Variants in GPC5 observed in about 807,000 individuals in gnomAD.
GPC5 encodes the protein glypican 5, also known as glypican-5.
In GPC5, 47 loss-of-function variants were observed where a neutral mutation model predicts 53.9. The observed-to-expected ratio is 0.87, with a 90% CI of 0.69 to 1.11. The LOEUF is 1.11. GPC5 is among the 50% of genes most tolerant of loss of function. The pLI is 0.00. For missense variants in GPC5, 748 were observed against 713.1 expected (o/e 1.05, Z -0.56); for synonymous variants, 286 against 263.3 (o/e 1.09, Z -0.84).
chr13:91,574,816 A>G (rs1042111542), intron 2 of GPC5, among the ~76,000 whole-genome samples: 2 of 152,172 alleles, frequency 1.3e-5, no homozygotes, highest in Non-Finnish European at 2.9e-5. Context: ...ACATTAAGTT[A>G]GAACTTGGAC....
intron 7 of GPC5, among the ~76,000 whole-genome samples, chr13:92,264,103 T>G (rs897643984): frequency 2.6e-5 from 4 of 152,122 alleles, no homozygotes; most frequent in African/African-American, 9.7e-5. Context: ...ATTTTAAAAA[T>G]AAAAGAAAAT....
chr13:92,058,020 A>C (rs1207398876), intron 6 of GPC5, among the ~76,000 whole-genome samples: 1 of 152,120 alleles, frequency 6.6e-6, no homozygotes, highest in African/African-American at 2.4e-5. Context: ...TGGCAGACAT[A>C]ATTGAATGGG....
At chr13:91,798,223 C>T (rs1284381683) in intron 5 of GPC5, among the ~76,000 whole-genome samples, 4 of 152,130 alleles carry the variant, frequency 2.6e-5, no homozygotes, top group African/African-American at 9.7e-5. Flanking sequence ...GTGTAGGAAG[C>T]GCAGGTTTGT....
intron 5 of GPC5, among the ~76,000 whole-genome samples, chr13:91,774,668 CCAAAGTCCATG>C (rs1234249956): frequency 6.6e-6 from 1 of 152,084 alleles, no homozygotes; most frequent in African/African-American, 2.4e-5. Flanking sequence ...GCCACCTGAC[CCAAAGTCCATG>C]CTCTGCTCCT....
chr13:92,753,873 C>T (rs1182731085), intron 7 of GPC5, among the ~76,000 whole-genome samples: 9 of 152,186 alleles, frequency 5.9e-5, no homozygotes, highest in Admixed American at 2.6e-4. Context: ...CTGAAAGTGA[C>T]AGGGAGAATG....
chr13:91,648,410 A>C (rs74104918), intron 2 of GPC5, among the ~76,000 whole-genome samples: 1 of 134,520 alleles, frequency 7.4e-6, no homozygotes, highest in East Asian at 1.9e-4. Context: ...TAAAAACTAA[A>C]GTAAAATATG....
At chr13:91,733,955 G>A (rs1439731863) in intron 4 of GPC5, among the ~76,000 whole-genome samples, 4 of 152,130 alleles carry the variant, frequency 2.6e-5, no homozygotes, top group African/African-American at 7.2e-5. Flanking sequence ...TATGATATTG[G>A]CTGTGGGTTT....
chr13:92,077,090 C>G (rs1853996), intron 6 of GPC5, among the ~76,000 whole-genome samples: 2 of 151,822 alleles, frequency 1.3e-5, no homozygotes, highest in Non-Finnish European at 2.9e-5. Flanking sequence ...AGCCCCACCC[C>G]CTGCTTTGAA....
At chr13:92,780,907 A>T (rs1381522830) in intron 7 of GPC5, among the ~76,000 whole-genome samples, 1 of 152,078 alleles carries the variant, frequency 6.6e-6, no homozygotes, top group Non-Finnish European at 1.5e-5. Context: ...CTTGATATTC[A>T]CATTTTTATA....
intron 6 of GPC5, among the ~76,000 whole-genome samples, chr13:91,932,385 G>A (rs2039830183): frequency 6.6e-6 from 1 of 151,996 alleles, no homozygotes; most frequent in Admixed American, 6.6e-5. Context: ...ACAGTGCTTT[G>A]TTCTTATTTT....
intron 7 of GPC5, among the ~76,000 whole-genome samples, chr13:92,642,731 G>T (rs1256404942): frequency 6.6e-6 from 1 of 152,106 alleles, no homozygotes; most frequent in East Asian, 1.9e-4. Flanking sequence ...TAGAGCAGTG[G>T]GAGAAATATG....
At chr13:91,788,241 T>C (rs1294316193) in intron 5 of GPC5, among the ~76,000 whole-genome samples, 3 of 152,208 alleles carry the variant, frequency 2.0e-5, no homozygotes, top group Non-Finnish European at 4.4e-5. Context: ...TCTTGCTGTA[T>C]CCTAACATGG....
chr13:92,639,687 T>C (rs1161348397), intron 7 of GPC5, among the ~76,000 whole-genome samples: 1 of 152,240 alleles, frequency 6.6e-6, no homozygotes, highest in South Asian at 2.1e-4. Context: ...TTATAATTTT[T>C]ATTTCTAAAG....
intron 7 of GPC5, among the ~76,000 whole-genome samples, chr13:92,750,356 A>G (rs1033370536): frequency 6.6e-6 from 1 of 152,170 alleles, no homozygotes; most frequent in Non-Finnish European, 1.5e-5. Flanking sequence ...TTCATTATAT[A>G]TAAGTGAACT....
At chr13:91,525,854 T>C (rs1012946760) in intron 2 of GPC5, among the ~76,000 whole-genome samples, 5 of 152,246 alleles carry the variant, frequency 3.3e-5, no homozygotes, top group African/African-American at 1.2e-4. Flanking sequence ...GTAAATGATC[T>C]GAATGTATAG....
rs534663370 is a variant in GPC5 at position 92,732,535 on chromosome 13, C to T, written c.1562-133747C>T. On this transcript the variant is annotated intron_variant, in intron 7 of 7. Transcript: ENST00000377067. ...GATTTAGTGATTTTCTTCTTAGTTC[C>T]GTTTATCCTTTTTGTAAATTTGGAA... Among the ~76,000 whole-genome samples, 8 of 141,162 alleles carry T rather than the reference C, an allele frequency of 5.7e-5. No individual in the cohort carries two copies. The South Asian group carries it at 1.9e-3, about 34-fold the overall frequency. 92.6% of individuals were successfully genotyped at this position (141,162 alleles called of 152,430 possible).
intron 6 of GPC5, among the ~76,000 whole-genome samples, chr13:92,109,067 T>A (rs2041534493): frequency 7.0e-6 from 1 of 143,758 alleles, no homozygotes; most frequent in African/African-American, 2.6e-5. Flanking sequence ...GTTGGTTTTT[T>A]TTTTTTTTTT....
rs536387387 is a variant in GPC5 at position 92,319,916 on chromosome 13, C to T, written c.1561+174927C>T. On this transcript the variant is annotated intron_variant, in intron 7 of 7. Transcript: ENST00000377067. ...AGCATGAAACAATATATACATTAGT[C>T]ATTTAATTTGTCATTGCTTTGTGTG... Among the ~76,000 whole-genome samples the T allele has an allele frequency of 2.8e-4, 43 of 152,180 alleles. No individual in the cohort carries two copies. The South Asian group carries it at 3.5e-3, about 12-fold the overall frequency.
At chr13:91,967,311 T>C (rs945432926) in intron 6 of GPC5, among the ~76,000 whole-genome samples, 7 of 152,154 alleles carry the variant, frequency 4.6e-5, no homozygotes, top group Admixed American at 4.6e-4. Flanking sequence ...GAGCTACAAT[T>C]CAAGATAAGA....
Sources: allele counts gnomAD v4.1 joint callset (sites outside exome capture counted in the v4.1 genomes callset), GRCh38; gene constraint gnomAD v4.1.1; transcripts MANE v1.5; gene names NCBI Gene and HGNC (gene_info 2026-07-23, HGNC 2026-07-21).